The following KLF12 variants were observed in gnomAD, a reference collection of about 807,000 sequenced individuals.
KLF12 encodes KLF transcription factor 12, also known as Krueppel-like factor 12.
KLF12 carries 9 observed loss-of-function variants against 37.8 expected under a neutral mutation model. The ratio of observed to expected loss-of-function variants is 0.24; its 90% CI spans 0.14 to 0.42. The LOEUF is 0.42. Ranked by LOEUF, KLF12 falls within the 10% of genes least tolerant of loss-of-function variation. KLF12 has a pLI of 1.00. For synonymous variants in KLF12, 208 were observed against 202.1 expected (o/e 1.03, Z -0.25); for missense variants, 411 against 516.0 (o/e 0.80, Z 1.97).
At chr13:74,252,499 A>G in the KLF12 span, among the ~76,000 whole-genome samples, 2 of 152,198 alleles carry the variant, frequency 1.3e-5, no homozygotes, top group Non-Finnish European at 2.9e-5. Flanking sequence ...AACCTTCAGC[A>G]TATCACAGCA....
At chr13:74,064,257 A>G (rs536418282) in intron 1 of KLF12, among the ~76,000 whole-genome samples, 90 of 152,210 alleles carry the variant, frequency 5.9e-4, no homozygotes, top group Non-Finnish European at 1.1e-3. Context: ...ACATAGGCTC[A>G]TATATAACTG....
At chr13:74,186,799 A>G in the KLF12 span, among the ~76,000 whole-genome samples, 2 of 152,204 alleles carry the variant, frequency 1.3e-5, no homozygotes, top group African/African-American at 2.4e-5. Flanking sequence ...ACTGATTGAC[A>G]CTATATTGCA....
At chr13:73,730,637 A>C (rs1347111622) in intron 6 of KLF12, among the ~76,000 whole-genome samples, 1 of 152,126 alleles carries the variant, frequency 6.6e-6, no homozygotes, top group Non-Finnish European at 1.5e-5. Flanking sequence ...TTCTGTTTGG[A>C]AAGTCAGGGC....
Position 73,690,933 on chromosome 13 carries a change from T to C in KLF12, c.*4557A>G, listed in dbSNP as rs1349259529. The C allele has an allele frequency of 1.3e-5, 2 of 152,650 alleles. No homozygotes were observed. The highest frequency in any genetic ancestry group is 2.9e-5 in the Non-Finnish European group (2 of 68,032). The allele number at this position is 152,650 out of a possible 1,614,324, so 9.5% of individuals were successfully genotyped here. On this transcript the variant is annotated 3_prime_UTR_variant, in exon 8 of 8. Transcript: ENST00000377669. The stretch of plus-strand genomic sequence containing the variant: ...CTGGATTTCTATTGCAATTGCTCAG[T>C]AATTAGCATATTTAAAGTATCAGTG...
At chr13:74,119,783 A>C (rs1302569107) in intron 1 of KLF12, among the ~76,000 whole-genome samples, 1 of 152,162 alleles carries the variant, frequency 6.6e-6, no homozygotes, top group African/African-American at 2.4e-5. Context: ...GGAGAGCAAT[A>C]GAAACACTGA....
At chr13:73,721,539 T>G (rs1876256369) in intron 6 of KLF12, among the ~76,000 whole-genome samples, 1 of 152,146 alleles carries the variant, frequency 6.6e-6, no homozygotes, top group Admixed American at 6.6e-5. Context: ...GAAAGTATTT[T>G]CTTTTCTCTC....
chr13:73,874,749 C>T (rs1886625084), intron 3 of KLF12, among the ~76,000 whole-genome samples: 1 of 152,112 alleles, frequency 6.6e-6, no homozygotes, highest in African/African-American at 2.4e-5. Context: ...AAACATGGGC[C>T]AACTGATCAT....
intron 1 of KLF12, among the ~76,000 whole-genome samples, chr13:74,064,819 G>C (rs142939357): frequency 2.6e-5 from 4 of 152,306 alleles, no homozygotes; most frequent in Non-Finnish European, 5.9e-5. Context: ...TAGAAAGTCT[G>C]TGTGATTTGT....
At chr13:74,041,713 C>T in intron 1 of KLF12, among the ~76,000 whole-genome samples, 1 of 150,044 alleles carries the variant, frequency 6.7e-6, no homozygotes, top group South Asian at 2.1e-4. Flanking sequence ...CACACACACA[C>T]ACACACACAC....
intron 6 of KLF12, among the ~76,000 whole-genome samples, chr13:73,760,655 T>G (rs1021594660): frequency 5.9e-5 from 9 of 152,140 alleles, no homozygotes; most frequent in Admixed American, 1.3e-4. Context: ...GTATTTCCTA[T>G]GTTATCATAC....
chr13:73,957,576 A>G (rs1272573393), intron 2 of KLF12, among the ~76,000 whole-genome samples: 1 of 152,244 alleles, frequency 6.6e-6, no homozygotes, highest in Non-Finnish European at 1.5e-5. Flanking sequence ...ACTAGAAGAC[A>G]GAGTTTTATC....
chr13:73,821,735 C>G (rs937202079), intron 4 of KLF12, among the ~76,000 whole-genome samples: 1 of 152,144 alleles, frequency 6.6e-6, no homozygotes, highest in Admixed American at 6.6e-5. Flanking sequence ...AACTCATTTT[C>G]CACTGGGAGC....
chr13:73,766,274 C>T (rs985639977), intron 5 of KLF12, among the ~76,000 whole-genome samples: 2 of 152,102 alleles, frequency 1.3e-5, no homozygotes, highest in African/African-American at 4.8e-5. Context: ...TGCTGTTTTG[C>T]AGCTACAAGG....
At chr13:74,034,507 C>T (rs1474908586) in intron 1 of KLF12, among the ~76,000 whole-genome samples, 1 of 152,066 alleles carries the variant, frequency 6.6e-6, no homozygotes, top group Non-Finnish European at 1.5e-5. Context: ...TGGTTTTTAC[C>T]ACTTTATAGT....
At chr13:73,995,904 T>C (rs1199453375) in intron 1 of KLF12, among the ~76,000 whole-genome samples, 4 of 152,204 alleles carry the variant, frequency 2.6e-5, no homozygotes, top group African/African-American at 7.2e-5. Context: ...TTAGGCACAG[T>C]TGACTTTATT....
chr13:74,288,670 T>G, the KLF12 span, among the ~76,000 whole-genome samples: 1 of 152,162 alleles, frequency 6.6e-6, no homozygotes, highest in Non-Finnish European at 1.5e-5. Flanking sequence ...CAGCCTAGAC[T>G]GGTGGGTTTC....
chr13:73,877,275 C>T (rs943027901), intron 3 of KLF12, among the ~76,000 whole-genome samples: 1 of 152,082 alleles, frequency 6.6e-6, no homozygotes, highest in Non-Finnish European at 1.5e-5. Context: ...ATCAATCAGA[C>T]CGTATTAATA....
chr13:73,716,911 C>T (rs191425568), intron 6 of KLF12, among the ~76,000 whole-genome samples: 2 of 152,188 alleles, frequency 1.3e-5, no homozygotes, highest in East Asian at 1.9e-4. Context: ...AAATTGATGG[C>T]TTATTACAGT....
the KLF12 span, among the ~76,000 whole-genome samples, chr13:74,231,071 A>G: frequency 1.5e-4 from 23 of 151,288 alleles, no homozygotes; most frequent in African/African-American, 5.3e-4. Flanking sequence ...ACAGTAGTGT[A>G]TAAACCAAGT....
Sources: gnomAD v4.1 joint callset for allele counts (sites outside exome capture counted in the v4.1 genomes callset) on GRCh38, gnomAD v4.1.1 for gene constraint, MANE v1.5 for transcripts, NCBI Gene and HGNC (gene_info 2026-07-23, HGNC 2026-07-21) for gene names.